DAP: variants seen among roughly 807,000 people sequenced by gnomAD.
DAP encodes death-associated protein 1.
DAP carries 8 observed loss-of-function variants against 13.8 expected under a neutral mutation model. The observed-to-expected ratio is 0.58, with a 90% confidence interval of 0.34 to 1.05. DAP has a LOEUF of 1.05. Among genes scored for constraint, DAP ranks in the 50% least tolerant of loss-of-function variants. The pLI, the probability that DAP is intolerant of heterozygous loss-of-function variation, is 0.03. For missense variants in DAP, 106 were observed against 133.2 expected, an observed-to-expected ratio of 0.80 and a Z score of 1.01; for synonymous variants, 47 against 47.5, an observed-to-expected ratio of 0.99 and a Z score of 0.04.
intron 2 of DAP, among the ~76,000 whole-genome samples, chr5:10,720,023 A>G (rs982815723): frequency 1.3e-5 from 2 of 152,246 alleles, no homozygotes; most frequent in African/African-American, 4.8e-5. Flanking sequence ...GCATGGAAGG[A>G]GAAATAATCA....
chr5:10,702,337 A>G lies in DAP; in HGVS notation c.153-18766T>C, dbSNP rs539574433. ...GTTTGTTGCTCATTTCTTAGGAATG[A>G]GTAACTCTCATGCCCTGCCCGCCTC... is the stretch of plus-strand genomic sequence containing the variant. On this transcript the variant is annotated intron_variant, in intron 2 of 3. Coordinates refer to ENST00000230895, the MANE Select transcript of DAP (RefSeq NM_004394.3). 4.6e-5 allele frequency among the ~76,000 whole-genome samples: 7 copies of G among 152,306 alleles called. No individual in the cohort carries two copies. In the South Asian group the frequency reaches 1.5e-3, roughly 32 times the overall value.
Position 10,742,858 on chromosome 5 carries a change from C to T in DAP, c.152+5317G>A, listed in dbSNP as rs141849643. 6.5e-3 allele frequency among the ~76,000 whole-genome samples: 986 copies of T among 152,258 alleles called. 10 individuals carry two copies. Among genetic ancestry groups the T allele is most frequent in the African/African-American group, 0.022 (909 of 41,540 alleles). On this transcript the variant is annotated intron_variant, in intron 2 of 3. Coordinates refer to ENST00000230895, the MANE Select transcript of DAP (RefSeq NM_004394.3). Reference sequence around the variant, plus strand: ...TCTCAGTGAACAAAGCTAGGAAATACAGGTATGACACTAACCCTCTCATCC... The same window carrying T: ...TCTCAGTGAACAAAGCTAGGAAATATAGGTATGACACTAACCCTCTCATCC...
intron 2 of DAP, among the ~76,000 whole-genome samples, chr5:10,708,442 GACACAC>G (rs3836780): frequency 5.4e-5 from 8 of 147,718 alleles, no homozygotes; most frequent in Admixed American, 4.1e-4. Flanking sequence ...ACACATATCA[GACACAC>G]ACACACACAC....
At position 10,745,591 on chromosome 5, in the gene DAP, T is replaced by C. The variant is rs373838170; in HGVS notation, c.152+2584A>G. ...ATATTTATTTAAATTGATCATCTTC[T>C]AGAAAAGCTGCATGTCAACTCATGA... On this transcript the variant is annotated intron_variant, in intron 2 of 3. Coordinates refer to ENST00000230895, the MANE Select transcript of DAP (RefSeq NM_004394.3). 1.1e-4 allele frequency among the ~76,000 whole-genome samples: 17 copies of C among 152,300 alleles called. 1 individual carries two copies. The South Asian group carries it at 2.9e-3, about 26-fold the overall frequency.
At chr5:10,733,469 C>T (rs1169963131) in intron 2 of DAP, among the ~76,000 whole-genome samples, 1 of 152,200 alleles carries the variant, frequency 6.6e-6, no homozygotes, top group East Asian at 1.9e-4. Flanking sequence ...AATCTGACAT[C>T]TCACCTCTCA....
chr5:10,727,564 G>C (rs1217689348), intron 2 of DAP, among the ~76,000 whole-genome samples: 4 of 152,198 alleles, frequency 2.6e-5, no homozygotes, highest in African/African-American at 9.7e-5. Flanking sequence ...GGGGGGGACT[G>C]GGGAGAGGGA....
chr5:10,737,920 G>A (rs1445544637), intron 2 of DAP, among the ~76,000 whole-genome samples: 7 of 152,184 alleles, frequency 4.6e-5, no homozygotes, highest in Non-Finnish European at 8.8e-5. Flanking sequence ...GGGAAATTTG[G>A]ACACAAAGAC....
At position 10,734,115 on chromosome 5, in the gene DAP, C is replaced by T. The variant is rs1244002469; in HGVS notation, c.152+14060G>A. 2.6e-5 allele frequency: 4 copies of T among 152,282 alleles called. No homozygotes were observed. The South Asian group carries it at 6.2e-4, about 24-fold the overall frequency. The allele number at this position is 152,282 out of a possible 1,614,324, so 9.4% of individuals were successfully genotyped here. ...TCACACCATAAAAACAAAGGAGCCT[C>T]CGTTCCAAGAGGATGACTGCAGTGC... On this transcript the variant is annotated intron_variant, in intron 2 of 3. Coordinates refer to ENST00000230895, the MANE Select transcript of DAP (RefSeq NM_004394.3).
intron 2 of DAP, among the ~76,000 whole-genome samples, chr5:10,735,152 T>C (rs1294562229): frequency 2.1e-5 from 3 of 142,680 alleles, no homozygotes; most frequent in African/African-American, 7.8e-5. Context: ...AGCTAACTTT[T>C]ACAAAATGGA....
chr5:10,721,155 T>A (rs1410309735), intron 2 of DAP, among the ~76,000 whole-genome samples: 1 of 152,198 alleles, frequency 6.6e-6, no homozygotes, highest in Admixed American at 6.5e-5. Context: ...TCCAAAAGGC[T>A]GTGTATGCTC....
At chr5:10,756,307 G>GC (rs1740180362) in intron 1 of DAP, among the ~76,000 whole-genome samples, 1 of 99,768 alleles carries the variant, frequency 1.0e-5, no homozygotes, top group Admixed American at 9.5e-5. Flanking sequence ...CTGACTGGTT[G>GC]ACACTGGGAC....
chr5:10,727,531 G>A (rs915144221), intron 2 of DAP, among the ~76,000 whole-genome samples: 25 of 152,286 alleles, frequency 1.6e-4, no homozygotes, highest in African/African-American at 5.1e-4. Flanking sequence ...TCAAGGGCCC[G>A]ACTTCATTCT....
At chr5:10,752,475 T>C (rs1216616696) in intron 1 of DAP, among the ~76,000 whole-genome samples, 1 of 152,234 alleles carries the variant, frequency 6.6e-6, no homozygotes, top group African/African-American at 2.4e-5. Context: ...CAAATCAGTA[T>C]TTTTAGGAGA....
At chr5:10,695,339 G>A (rs559501541) in intron 2 of DAP, among the ~76,000 whole-genome samples, 2 of 152,346 alleles carry the variant, frequency 1.3e-5, no homozygotes, top group South Asian at 4.1e-4. Context: ...GCTGGCACCT[G>A]GGCACGAGGG....
intron 2 of DAP, among the ~76,000 whole-genome samples, chr5:10,716,326 T>C (rs1199738384): frequency 6.6e-6 from 1 of 152,198 alleles, no homozygotes; most frequent in Non-Finnish European, 1.5e-5. Flanking sequence ...GAAGTCTAGA[T>C]ATCTGTGGGT....
chr5:10,710,629 G>A (rs779524832), intron 2 of DAP, among the ~76,000 whole-genome samples: 1 of 152,238 alleles, frequency 6.6e-6, no homozygotes, highest in Non-Finnish European at 1.5e-5. Flanking sequence ...GGACGGGCTG[G>A]TGGGAAGCAC....
chr5:10,713,488 C>T (rs189215717), intron 2 of DAP, among the ~76,000 whole-genome samples: 8 of 152,344 alleles, frequency 5.3e-5, no homozygotes, highest in South Asian at 2.1e-4. Context: ...CCATTCATAA[C>T]GTGCTTTATC....
chr5:10,728,754 CGAA>C (rs1280328171), intron 2 of DAP, among the ~76,000 whole-genome samples: 3 of 152,092 alleles, frequency 2.0e-5, no homozygotes, highest in Non-Finnish European at 2.9e-5. Flanking sequence ...GGCTAACCCA[CGAA>C]GAAGGTCTGG....
At chr5:10,734,769 T>A (rs888610464) in intron 2 of DAP, among the ~76,000 whole-genome samples, 4 of 152,232 alleles carry the variant, frequency 2.6e-5, no homozygotes, top group African/African-American at 7.2e-5. Flanking sequence ...GATGAATTAA[T>A]CCATGATTAA....
Sources: gnomAD v4.1 joint callset for allele counts (sites outside exome capture counted in the v4.1 genomes callset) on GRCh38, gnomAD v4.1.1 for gene constraint, MANE v1.5 for transcripts, NCBI Gene and HGNC (gene_info 2026-07-23, HGNC 2026-07-21) for gene names.